Variants in ACCSL observed in about 807,000 individuals in gnomAD.
ACCSL encodes 1-aminocyclopropane-1-carboxylate synthase homolog (inactive) like, also known as probable inactive 1-aminocyclopropane-1-carboxylate synthase-like protein 2.
Under a neutral mutation model 61.7 loss-of-function variants are expected in ACCSL, and 55 were observed. The ratio of observed to expected loss-of-function variants is 0.89; its 90% CI spans 0.72 to 1.12. ACCSL has a LOEUF of 1.12. Ranked by LOEUF, ACCSL falls within the 50% of genes most tolerant of loss-of-function variation. The pLI is 0.00. For synonymous variants in ACCSL, 258 were observed against 264.3 expected (o/e 0.98, Z 0.23); for missense variants, 632 against 698.0 (o/e 0.91, Z 1.07).
At chr11:43,961,054 C>G in the ACCSL span, among the ~76,000 whole-genome samples, 1 of 152,216 alleles carries the variant, frequency 6.6e-6, no homozygotes, top group African/African-American at 2.4e-5. Flanking sequence ...CTCCTGACTT[C>G]AGGTGATCCT....
chr11:43,945,702 G>A, the ACCSL span: 1 of 148,220 alleles, frequency 6.7e-6, no homozygotes, highest in Admixed American at 6.7e-5. Flanking sequence ...AAAAAAATTA[G>A]CCGGACGTGG....
chr11:43,962,416 GAGATGACGTTCGCA>G, the ACCSL span, among the ~76,000 whole-genome samples: 1 of 152,200 alleles, frequency 6.6e-6, no homozygotes, highest in Non-Finnish European at 1.5e-5. Flanking sequence ...GCAAAGAAAA[GAGATGACGTTCGCA>G]AGGACTGGCC....
chr11:44,039,794 C>G, the ACCSL span, among the ~76,000 whole-genome samples: 1 of 152,232 alleles, frequency 6.6e-6, no homozygotes, highest in Non-Finnish European at 1.5e-5. Context: ...GCAGAGTATT[C>G]TGGGGCTACA....
the ACCSL span, among the ~76,000 whole-genome samples, chr11:43,971,903 T>C: frequency 6.6e-6 from 1 of 152,236 alleles, no homozygotes; most frequent in Non-Finnish European, 1.5e-5. Context: ...AGTTAGCTCC[T>C]GACCACTGGT....
chr11:43,947,231 T>G, the ACCSL span: 1 of 152,214 alleles, frequency 6.6e-6, no homozygotes, highest in East Asian at 1.9e-4. Flanking sequence ...GAGGGAGAAC[T>G]CACACATTGC....
the ACCSL span, among the ~76,000 whole-genome samples, chr11:43,953,843 C>G: frequency 6.6e-6 from 1 of 152,218 alleles, no homozygotes; most frequent in Non-Finnish European, 1.5e-5. Flanking sequence ...ATAGGTCGCT[C>G]TGCCTATGGT....
At chr11:43,925,365 G>T in the ACCSL span, 2 of 456,220 alleles carry the variant, frequency 4.4e-6, no homozygotes, top group South Asian at 3.1e-5. Context: ...AGCCCCAGAA[G>T]GTCACGGTGC....
the ACCSL span, among the ~76,000 whole-genome samples, chr11:43,979,542 C>T: frequency 1.3e-5 from 2 of 152,094 alleles, no homozygotes; most frequent in Admixed American, 1.3e-4. Flanking sequence ...GTAAAGTGGG[C>T]ATTTTTCAGA....
the ACCSL span, among the ~76,000 whole-genome samples, chr11:43,934,334 C>T: frequency 1.2e-4 from 18 of 152,208 alleles, no homozygotes; most frequent in South Asian, 6.2e-4. Flanking sequence ...GTGGAGTGCG[C>T]ACCAGTGGGA....
chr11:44,005,947 G>T, the ACCSL span, among the ~76,000 whole-genome samples: 1 of 152,174 alleles, frequency 6.6e-6, no homozygotes, highest in Non-Finnish European at 1.5e-5. Flanking sequence ...CAAGGAATCT[G>T]CCCAAAGGCC....
the ACCSL span, among the ~76,000 whole-genome samples, chr11:43,966,425 C>CAAAAA: frequency 2.9e-5 from 3 of 102,192 alleles, no homozygotes; most frequent in African/African-American, 1.1e-4. Context: ...GACTCTGTCT[C>CAAAAA]AAAAAAAAAA....
chr11:44,024,551 A>G, the ACCSL span, among the ~76,000 whole-genome samples: 2 of 150,194 alleles, frequency 1.3e-5, no homozygotes, highest in African/African-American at 4.9e-5. Context: ...ATTTCATTCA[A>G]TTGTGGTCAG....
the ACCSL span, among the ~76,000 whole-genome samples, chr11:43,953,557 C>T: frequency 1.2e-4 from 18 of 151,256 alleles, no homozygotes; most frequent in African/African-American, 3.6e-4. Context: ...GGTAAAAAGC[C>T]GGCCAAAACC....
chr11:43,977,198 A>G, the ACCSL span, among the ~76,000 whole-genome samples: 3 of 152,212 alleles, frequency 2.0e-5, no homozygotes, highest in Admixed American at 2.0e-4. Flanking sequence ...TGTGGTAGGT[A>G]GAATAATGGC....
chr11:43,978,818 A>C, the ACCSL span, among the ~76,000 whole-genome samples: 1 of 128,890 alleles, frequency 7.8e-6, no homozygotes, highest in African/African-American at 3.0e-5. Context: ...TTTTTTTACC[A>C]ATAAAAGGGA....
chr11:43,984,307 T>A, the ACCSL span, among the ~76,000 whole-genome samples: 4,115 of 152,232 alleles, frequency 0.027, 286 homozygotes, highest in East Asian at 0.32. Flanking sequence ...AAAAAATGCT[T>A]TGTGTAGCTA....
chr11:43,990,957 G>C, the ACCSL span, among the ~76,000 whole-genome samples: 7 of 152,128 alleles, frequency 4.6e-5, no homozygotes, highest in Admixed American at 4.6e-4. Flanking sequence ...TGTAATCCCA[G>C]CTACTTGGGA....
chr11:43,934,074 C>T, the ACCSL span, among the ~76,000 whole-genome samples: 1 of 152,106 alleles, frequency 6.6e-6, no homozygotes, highest in African/African-American at 2.4e-5. Flanking sequence ...CCCTCCCTCC[C>T]TCTCTCCCTC....
At chr11:44,020,627 T>G in the ACCSL span, among the ~76,000 whole-genome samples, 1 of 152,180 alleles carries the variant, frequency 6.6e-6, no homozygotes, top group Admixed American at 6.6e-5. Context: ...ATATTGATTT[T>G]TTTTCTTTTT....
Sources: allele counts gnomAD v4.1 joint callset (sites outside exome capture counted in the v4.1 genomes callset), GRCh38; gene constraint gnomAD v4.1.1; transcripts MANE v1.5; gene names NCBI Gene and HGNC (gene_info 2026-07-23, HGNC 2026-07-21).